The following KLF17 variants were observed in gnomAD, a reference collection of about 807,000 sequenced individuals.
KLF17 encodes Krueppel-like factor 17.
KLF17 carries 31 observed loss-of-function variants against 34.2 expected under a neutral mutation model. The observed-to-expected ratio is 0.91, with a 90% CI of 0.68 to 1.22. The LOEUF is 1.22. Among genes scored for constraint, KLF17 ranks in the 50% most tolerant of loss-of-function variants. The pLI is 0.00. For missense variants in KLF17, 478 were observed against 505.2 expected (o/e 0.95, Z 0.52); for synonymous variants, 179 against 186.7 (o/e 0.96, Z 0.34).
chr1:44,099,888 A>C, the KLF17 span, among the ~76,000 whole-genome samples: 1 of 65,292 alleles, frequency 1.5e-5, no homozygotes, highest in Non-Finnish European at 3.6e-5. Flanking sequence ...AAAGAAAGAA[A>C]GAAAGAAAGA....
chr1:44,091,353 C>T, the KLF17 span, among the ~76,000 whole-genome samples: 1 of 151,956 alleles, frequency 6.6e-6, no homozygotes, highest in African/African-American at 2.4e-5. Context: ...CCTGTAGCTC[C>T]TAGAAAAGTC....
At chr1:44,084,824 A>G in the KLF17 span, among the ~76,000 whole-genome samples, 8 of 151,728 alleles carry the variant, frequency 5.3e-5, no homozygotes, top group East Asian at 1.4e-3. Context: ...CTGTAATCTC[A>G]GCACTTTAGG....
At chr1:44,091,762 A>G in the KLF17 span, among the ~76,000 whole-genome samples, 3 of 151,732 alleles carry the variant, frequency 2.0e-5, no homozygotes, top group Admixed American at 1.3e-4. Flanking sequence ...CTTTGCAGCT[A>G]CTTGAAAGAT....
chr1:44,071,963 TC>T, the KLF17 span, among the ~76,000 whole-genome samples: 1 of 150,304 alleles, frequency 6.7e-6, no homozygotes, highest in African/African-American at 2.4e-5. Flanking sequence ...GCCCTTTGCC[TC>T]CTCCTCTTCC....
the KLF17 span, among the ~76,000 whole-genome samples, chr1:44,110,796 A>G: frequency 2.0e-5 from 3 of 152,032 alleles, no homozygotes; most frequent in Non-Finnish European, 4.4e-5. Flanking sequence ...GTATTATAGA[A>G]CCTAACTACT....
chr1:44,054,514 T>A, the KLF17 span, among the ~76,000 whole-genome samples: 2 of 138,544 alleles, frequency 1.4e-5, no homozygotes, highest in Non-Finnish European at 3.0e-5. Flanking sequence ...AGAGTCTTGC[T>A]CTGTCGCCCG....
the KLF17 span, among the ~76,000 whole-genome samples, chr1:44,052,591 C>G: frequency 6.6e-6 from 1 of 152,206 alleles, no homozygotes; most frequent in Admixed American, 6.5e-5. Flanking sequence ...ATTCTGTTTC[C>G]CATTTGCAGC....
At chr1:44,044,739 C>G in the KLF17 span, 1 of 152,446 alleles carries the variant, frequency 6.6e-6, no homozygotes, top group Non-Finnish European at 1.5e-5. Context: ...ATTTCCTCAT[C>G]TCTAACATGG....
the KLF17 span, among the ~76,000 whole-genome samples, chr1:44,064,093 T>C: frequency 6.6e-6 from 1 of 152,090 alleles, no homozygotes; most frequent in African/African-American, 2.4e-5. Context: ...CTAAACTAAC[T>C]GCCAGAGGAA....
At chr1:44,066,906 A>G in the KLF17 span, among the ~76,000 whole-genome samples, 22 of 152,284 alleles carry the variant, frequency 1.4e-4, no homozygotes, top group Admixed American at 1.4e-3. Context: ...GCAATAAAGC[A>G]AGTCTTGAAG....
chr1:44,054,641 C>T, the KLF17 span, among the ~76,000 whole-genome samples: 29 of 148,978 alleles, frequency 1.9e-4, no homozygotes, highest in African/African-American at 5.2e-4. Flanking sequence ...CCACCATGAC[C>T]GGCTAATTTT....
upstream of KLF17, among the ~76,000 whole-genome samples, chr1:44,118,185 A>C (rs1306670830): frequency 6.6e-6 from 1 of 152,214 alleles, no homozygotes. Flanking sequence ...ATAATAGTTA[A>C]CAACTTTATT....
At position 44,133,674 on chromosome 1, in the gene KLF17, G is replaced by T. The variant is rs1447377801; in HGVS notation, c.*437G>T. On this transcript the variant is annotated 3_prime_UTR_variant, in exon 4 of 4. Transcript: ENST00000372299. The stretch of plus-strand genomic sequence containing the variant: ...GTCCTCTGCAGGCTCAAGCCTATCT[G>T]GGCCTCTGGGGAAGCCCCACAGCCT... 2 of 152,356 alleles carry T rather than the reference G, an allele frequency of 1.3e-5. No homozygotes were observed. Among genetic ancestry groups the T allele is most frequent in the East Asian group, 1.9e-4 (1 of 5,200 alleles). 9.4% of individuals were successfully genotyped at this position (152,356 alleles called of 1,614,324 possible). A position where few individuals can be genotyped will look rare whatever the true frequency, so the allele number is the denominator to read the frequency against.
Position 44,135,035 on chromosome 1 carries a change from A to C in KLF17, c.*1798A>C, listed in dbSNP as rs2088152628. The stretch of plus-strand genomic sequence containing the variant: ...TGTTAGGAAGGTCAAAAAAAAGGAA[A>C]AAAGAAAAATAATAAAAAATAATAA... On this transcript the variant is annotated 3_prime_UTR_variant, in exon 4 of 4. Transcript: ENST00000372299. 6.6e-6 allele frequency: 1 copy of C among 152,192 alleles called. No homozygotes were observed. The highest frequency in any genetic ancestry group is 1.5e-5 in the Non-Finnish European group (1 of 68,042). The allele number at this position is 152,192 out of a possible 1,614,324, so 9.4% of individuals were successfully genotyped here. A position where few individuals can be genotyped will look rare whatever the true frequency, so the allele number is the denominator to read the frequency against.
At chr1:44,049,979 C>T in the KLF17 span, among the ~76,000 whole-genome samples, 1 of 152,220 alleles carries the variant, frequency 6.6e-6, no homozygotes, top group African/African-American at 2.4e-5. Flanking sequence ...GCCAGTAACT[C>T]TCCCAACAGA....
At chr1:44,096,437 C>T in the KLF17 span, among the ~76,000 whole-genome samples, 92 of 139,534 alleles carry the variant, frequency 6.6e-4, 4 homozygotes, top group Non-Finnish European at 2.2e-4. Flanking sequence ...CTCGCTCTGT[C>T]GCCCAGGCTG....
the KLF17 span, among the ~76,000 whole-genome samples, chr1:44,098,896 AT>A: frequency 4.3e-3 from 589 of 136,122 alleles, 1 homozygote; most frequent in African/African-American, 0.01. Context: ...ACTCACTTTA[AT>A]TTTTTTTTTT....
the KLF17 span, among the ~76,000 whole-genome samples, chr1:44,075,747 T>C: frequency 1.5e-4 from 23 of 152,314 alleles, no homozygotes; most frequent in African/African-American, 4.8e-4. Context: ...TCCTCATGTG[T>C]ATGGTGAGAA....
chr1:44,127,654 CTT>C (rs1491193905), intron 1 of KLF17, among the ~76,000 whole-genome samples: 1 of 48,490 alleles, frequency 2.1e-5, no homozygotes, highest in East Asian at 6.0e-4. Context: ...TTCTTTCTTT[CTT>C]TCTTTCTTTC....
Sources: gnomAD v4.1 joint callset for allele counts (sites outside exome capture counted in the v4.1 genomes callset) on GRCh38, gnomAD v4.1.1 for gene constraint, MANE v1.5 for transcripts, NCBI Gene and HGNC (gene_info 2026-07-23, HGNC 2026-07-21) for gene names.